VANGL1: variants seen among roughly 807,000 people sequenced by gnomAD.
The protein encoded by VANGL1 is vang-like protein 1.
Under a neutral mutation model 48.4 loss-of-function variants are expected in VANGL1, and 18 were observed. That is an observed-to-expected ratio of 0.37 (90% CI 0.26 to 0.55). The LOEUF (loss-of-function observed/expected upper bound fraction) is 0.55. Ranked by LOEUF, VANGL1 falls within the 20% of genes least tolerant of loss-of-function variation. VANGL1 has a pLI of 0.81. For missense variants in VANGL1, 667 were observed against 675.8 expected (o/e 0.99, Z 0.14); for synonymous variants, 257 against 261.8 (o/e 0.98, Z 0.18).
chr1:115,656,359 C>G (rs2101319454), intron 2 of VANGL1, among the ~76,000 whole-genome samples: 1 of 152,334 alleles, frequency 6.6e-6, no homozygotes. Flanking sequence ...CAGCAACCTC[C>G]TCCTAGGAGC....
At chr1:115,642,488 G>A (rs1039480113) in intron 1 of VANGL1, 1 of 152,434 alleles carries the variant, frequency 6.6e-6, no homozygotes, top group East Asian at 2.0e-4. Context: ...GTGGCCGAGC[G>A]TTGGAGGCAC....
At chr1:115,646,586 A>G (rs1362888479) in intron 1 of VANGL1, among the ~76,000 whole-genome samples, 1 of 151,636 alleles carries the variant, frequency 6.6e-6, no homozygotes, top group Admixed American at 6.6e-5. Flanking sequence ...AGGATTTAAA[A>G]TAGATAATTT....
chr1:115,656,673 G>A (rs530955686), intron 2 of VANGL1, among the ~76,000 whole-genome samples: 1 of 152,322 alleles, frequency 6.6e-6, no homozygotes, highest in South Asian at 2.1e-4. Flanking sequence ...GGGAATTGTT[G>A]GTTGTTTCAC....
chr1:115,666,927 C>T (rs920339822), intron 4 of VANGL1, among the ~76,000 whole-genome samples: 1 of 152,208 alleles, frequency 6.6e-6, no homozygotes, highest in African/African-American at 2.4e-5. Context: ...ACCTGCCGAT[C>T]CTTGGGCTAA....
chr1:115,656,695 C>T (rs1183122670), intron 2 of VANGL1, among the ~76,000 whole-genome samples: 1 of 152,204 alleles, frequency 6.6e-6, no homozygotes, highest in Non-Finnish European at 1.5e-5. Flanking sequence ...TTTGGGTGCT[C>T]CTGGGCCTTT....
intron 4 of VANGL1, among the ~76,000 whole-genome samples, chr1:115,673,516 G>T (rs1653056423): frequency 6.7e-6 from 1 of 149,702 alleles, no homozygotes; most frequent in Non-Finnish European, 1.5e-5. Context: ...AACCCTTCGT[G>T]TTCCTTTATG....
chr1:115,688,155 C>CT, intron 7 of VANGL1, among the ~76,000 whole-genome samples: 1 of 137,178 alleles, frequency 7.3e-6, no homozygotes, highest in Non-Finnish European at 1.6e-5. Context: ...TAAAACTTTG[C>CT]TTTTTTTTCT....
At chr1:115,673,014 C>T (rs946588779) in intron 4 of VANGL1, among the ~76,000 whole-genome samples, 1 of 152,200 alleles carries the variant, frequency 6.6e-6, no homozygotes, top group African/African-American at 2.4e-5. Flanking sequence ...AGCTATTGCA[C>T]CCTAGCTGCA....
Position 115,683,986 on chromosome 1 carries a change from C to A in VANGL1, c.989C>A (p.Ala330Asp), listed in dbSNP as rs763504654. 2 of 1,614,164 alleles carry A rather than the reference C, an allele frequency of 1.2e-6. No individual in the cohort carries two copies. Among genetic ancestry groups the A allele is most frequent in the Non-Finnish European group, 1.7e-6 (2 of 1,179,998 alleles). The change falls in exon 6 of 8, where the codon GCT (alanine) becomes GAT (aspartate). Residue 330 changes from alanine to aspartate, a missense_variant. By Grantham distance (126) the Ala-to-Asp change is moderately radical (BLOSUM62 -2). Coordinates refer to ENST00000355485, the MANE Select transcript of VANGL1 (RefSeq NM_138959.3). ...NATGQSRAMI[A>D]AAARRRDSSH... ...ACTGGCCAGTCCCGGGCCATGATTG[C>A]TGCAGCTGCTCGGCGCAGGGACTCA...
chr1:115,674,964 G>A (rs552171298), intron 4 of VANGL1, among the ~76,000 whole-genome samples: 51 of 152,174 alleles, frequency 3.4e-4, no homozygotes, highest in Non-Finnish European at 6.5e-4. Flanking sequence ...GTGTGTGCAT[G>A]TATGCACACA....
At chr1:115,662,393 A>G (rs1652593840) in intron 3 of VANGL1, among the ~76,000 whole-genome samples, 1 of 152,196 alleles carries the variant, frequency 6.6e-6, no homozygotes. Context: ...TACAAATTTC[A>G]GAGGCAGAAA....
chr1:115,676,788 G>T (rs986071471), intron 4 of VANGL1, among the ~76,000 whole-genome samples: 2 of 152,274 alleles, frequency 1.3e-5, no homozygotes, highest in Non-Finnish European at 2.9e-5. Context: ...CTCGCAGGCT[G>T]CTGCTGGAGG....
chr1:115,666,119 G>A (rs1366120927), intron 4 of VANGL1, among the ~76,000 whole-genome samples: 1 of 152,240 alleles, frequency 6.6e-6, no homozygotes, highest in Non-Finnish European at 1.5e-5. Flanking sequence ...CAGTGGAGAT[G>A]AGTGATATTT....
chr1:115,671,863 G>T (rs1167592938), intron 4 of VANGL1, among the ~76,000 whole-genome samples: 1 of 152,204 alleles, frequency 6.6e-6, no homozygotes, highest in Non-Finnish European at 1.5e-5. Flanking sequence ...GTGCTGTGGG[G>T]AAGGCAGCCA....
chr1:115,654,031 T>G (rs1183588842), intron 2 of VANGL1, among the ~76,000 whole-genome samples: 1 of 152,014 alleles, frequency 6.6e-6, no homozygotes, highest in Non-Finnish European at 1.5e-5. Context: ...TGCTGGGGCC[T>G]AAAGGATGTT....
At chr1:115,664,526 AGCTCCC>A (rs1190378828) in intron 4 of VANGL1, among the ~76,000 whole-genome samples, 1 of 152,202 alleles carries the variant, frequency 6.6e-6, no homozygotes, top group African/African-American at 2.4e-5. Flanking sequence ...AGTTATTGGC[AGCTCCC>A]AAAAATGATG....
At chr1:115,655,503 T>C (rs1045198105) in intron 2 of VANGL1, among the ~76,000 whole-genome samples, 1 of 152,180 alleles carries the variant, frequency 6.6e-6, no homozygotes, top group Non-Finnish European at 1.5e-5. Context: ...CAGATATACT[T>C]ATCTTTACTC....
intron 4 of VANGL1, among the ~76,000 whole-genome samples, chr1:115,675,123 G>A (rs1179154139): frequency 6.6e-6 from 1 of 152,198 alleles, no homozygotes; most frequent in East Asian, 1.9e-4. Context: ...TGAACCAGTG[G>A]TAGAACTGAA....
chr1:115,693,804 A>G lies in VANGL1; in HGVS notation c.*2425A>G, dbSNP rs1376390741. 2 of 152,212 alleles carry G rather than the reference A, an allele frequency of 1.3e-5. No individual in the cohort carries two copies. The highest frequency in any genetic ancestry group is 2.9e-5 in the Non-Finnish European group (2 of 68,032). 9.4% of individuals were successfully genotyped at this position (152,212 alleles called of 1,614,324 possible). A position where few individuals can be genotyped will look rare whatever the true frequency, so the allele number is the denominator to read the frequency against. ...AAAGCTGCATCCCACAATTGAACACAATGCATTTTTATTTCAATTCTTGGA... is the reference window on the plus strand; with the variant it reads ...AAAGCTGCATCCCACAATTGAACACGATGCATTTTTATTTCAATTCTTGGA... On this transcript the variant is annotated 3_prime_UTR_variant, in exon 8 of 8. Coordinates refer to ENST00000355485, the MANE Select transcript of VANGL1 (RefSeq NM_138959.3).
Sources: gnomAD v4.1 joint callset for allele counts (sites outside exome capture counted in the v4.1 genomes callset) on GRCh38, gnomAD v4.1.1 for gene constraint, MANE v1.5 for transcripts, NCBI Gene and HGNC (gene_info 2026-07-23, HGNC 2026-07-21) for gene names.